Variants in SUMF1 observed in about 807,000 individuals in gnomAD.
SUMF1 encodes formylglycine-generating enzyme.
SUMF1 carries 48 observed loss-of-function variants against 47.6 expected under a neutral mutation model. The observed-to-expected ratio is 1.01, with a 90% confidence interval of 0.80 to 1.28. The LOEUF is 1.28. Among genes scored for constraint, SUMF1 ranks in the 50% most tolerant of loss-of-function variants. SUMF1 has a pLI of 0.00. For missense variants in SUMF1, 571 were observed against 485.4 expected, an observed-to-expected ratio of 1.18 and a Z score of -1.66; for synonymous variants, 230 against 192.1, an observed-to-expected ratio of 1.20 and a Z score of -1.63.
chr3:4,249,847 A>G (rs1032351425), intron 8 of SUMF1, among the ~76,000 whole-genome samples: 10 of 152,158 alleles, frequency 6.6e-5, no homozygotes, highest in Admixed American at 5.2e-4. Context: ...GAGGAAATTA[A>G]AAGTGCTCCT....
chr3:4,381,675 G>A (rs987287629), intron 7 of SUMF1, among the ~76,000 whole-genome samples: 1 of 152,184 alleles, frequency 6.6e-6, no homozygotes, highest in Non-Finnish European at 1.5e-5. Context: ...CAGGAAAATA[G>A]AAGAGTTATG....
intron 8 of SUMF1, among the ~76,000 whole-genome samples, chr3:4,161,802 G>A (rs1181104306): frequency 6.6e-6 from 1 of 152,018 alleles, no homozygotes; most frequent in Non-Finnish European, 1.5e-5. Context: ...CCCCACTGTG[G>A]CTGAGCTGGC....
intron 8 of SUMF1, among the ~76,000 whole-genome samples, chr3:4,090,356 G>A (rs758360404): frequency 9.9e-5 from 15 of 152,042 alleles, no homozygotes; most frequent in African/African-American, 1.5e-4. Context: ...CATGTTAGGT[G>A]AACTGGCATG....
intron 6 of SUMF1, among the ~76,000 whole-genome samples, chr3:4,416,300 G>A (rs1311707460): frequency 4.0e-5 from 6 of 151,486 alleles, no homozygotes; most frequent in African/African-American, 1.5e-4. Flanking sequence ...GATGTTCACT[G>A]TAGAAAAAAA....
At chr3:4,079,344 T>C (rs1443528378) in intron 8 of SUMF1, among the ~76,000 whole-genome samples, 1 of 152,054 alleles carries the variant, frequency 6.6e-6, no homozygotes, top group Non-Finnish European at 1.5e-5. Flanking sequence ...ACATGCCCAT[T>C]TTGATCTGAT....
intron 8 of SUMF1, among the ~76,000 whole-genome samples, chr3:4,206,064 C>T (rs1306060038): frequency 2.0e-5 from 3 of 151,962 alleles, no homozygotes; most frequent in African/African-American, 4.8e-5. Flanking sequence ...CATCTAGGAA[C>T]TAGGGCCTGA....
At chr3:4,181,945 C>G (rs994585614) in intron 8 of SUMF1, among the ~76,000 whole-genome samples, 1 of 152,128 alleles carries the variant, frequency 6.6e-6, no homozygotes, top group African/African-American at 2.4e-5. Context: ...CAGAACCTGG[C>G]CTTCCAAGTC....
intron 8 of SUMF1, among the ~76,000 whole-genome samples, chr3:4,088,788 G>T (rs1168006781): frequency 3.3e-5 from 5 of 151,938 alleles, no homozygotes; most frequent in African/African-American, 1.2e-4. Flanking sequence ...GTCTCTGATT[G>T]GCCATCCCGA....
chr3:4,418,183 G>T, intron 4 of SUMF1, 51 bp from the exon 5 acceptor site: 1 of 1,612,248 alleles, frequency 6.2e-7, no homozygotes, highest in Non-Finnish European at 8.5e-7. Context: ...AGAACAAGAA[G>T]CAGGAGCTGG....
intron 7 of SUMF1, among the ~76,000 whole-genome samples, chr3:4,388,413 T>A (rs948360052): frequency 2.6e-5 from 4 of 152,094 alleles, no homozygotes; most frequent in African/African-American, 9.6e-5. Flanking sequence ...TTACATAATA[T>A]ATATTTTCCC....
At chr3:4,368,646 A>G (rs920635443) in intron 8 of SUMF1, among the ~76,000 whole-genome samples, 1 of 152,220 alleles carries the variant, frequency 6.6e-6, no homozygotes, top group African/African-American at 2.4e-5. Context: ...ACCATGGAAG[A>G]GTATCACGAC....
intron 8 of SUMF1, among the ~76,000 whole-genome samples, chr3:4,155,357 G>A (rs535968269): frequency 6.6e-6 from 1 of 151,624 alleles, no homozygotes; most frequent in African/African-American, 2.4e-5. Context: ...ATGAGGGAAG[G>A]GGAGCAAAAA....
intron 8 of SUMF1, among the ~76,000 whole-genome samples, chr3:4,237,418 T>C (rs1696433941): frequency 6.6e-6 from 1 of 152,180 alleles, no homozygotes; most frequent in South Asian, 2.1e-4. Flanking sequence ...TTGTCACTTG[T>C]ATACCTTCTT....
intron 8 of SUMF1, among the ~76,000 whole-genome samples, chr3:4,309,213 T>C (rs1334481487): frequency 1.3e-5 from 2 of 152,248 alleles, no homozygotes; most frequent in East Asian, 3.9e-4. Context: ...AGATTGTAAA[T>C]GTTTTTTATC....
Position 4,456,745 on chromosome 3 carries a change from C to CGT in SUMF1, c.271-3697_271-3696insAC, listed in dbSNP as rs1240573357. Among the ~76,000 whole-genome samples, 41 of 12,630 alleles carry CGT rather than the reference C, an allele frequency of 3.2e-3. 1 individual carries two copies. Among genetic ancestry groups the CGT allele is most frequent in the Non-Finnish European group, 4.9e-3 (32 of 6,576 alleles). 8.3% of individuals were successfully genotyped at this position (12,630 alleles called of 152,430 possible). On this transcript the variant is annotated intron_variant, in intron 1 of 8. Transcript: ENST00000272902. ...ATATATACGTGTGTATATATACACA[C>CGT]ATATATACGTGTGTGTGTATATATA... is the stretch of plus-strand genomic sequence containing the variant.
At chr3:4,043,806 T>C (rs1229698439) in intron 9 of SUMF1, among the ~76,000 whole-genome samples, 4 of 152,218 alleles carry the variant, frequency 2.6e-5, no homozygotes, top group Admixed American at 2.0e-4. Flanking sequence ...CTTTCAACTC[T>C]AAATTTGTAA....
chr3:4,367,101 G>C (rs1407839991), intron 8 of SUMF1, among the ~76,000 whole-genome samples: 1 of 151,964 alleles, frequency 6.6e-6, no homozygotes, highest in Non-Finnish European at 1.5e-5. Context: ...GGAGTACCCG[G>C]CCGTGTGAGG....
chr3:4,443,074 G>A (rs930008353), intron 3 of SUMF1, among the ~76,000 whole-genome samples: 1 of 151,556 alleles, frequency 6.6e-6, no homozygotes, highest in East Asian at 2.0e-4. Context: ...TCAGGAGATC[G>A]AGACCAGTCT....
intron 3 of SUMF1, among the ~76,000 whole-genome samples, chr3:4,441,151 C>T (rs1268120322): frequency 6.6e-5 from 10 of 152,176 alleles, no homozygotes; most frequent in South Asian, 4.1e-4. Flanking sequence ...TCGTTGTTTG[C>T]GTTACCACCT....
Sources: gnomAD v4.1 joint callset for allele counts (sites outside exome capture counted in the v4.1 genomes callset) on GRCh38, gnomAD v4.1.1 for gene constraint, MANE v1.5 for transcripts, NCBI Gene and HGNC (gene_info 2026-07-23, HGNC 2026-07-21) for gene names.